Variants in EVI5L observed in about 807,000 individuals in gnomAD.
EVI5L encodes the protein ecotropic viral integration site 5 like, also known as EVI5-like protein.
In EVI5L, 30 loss-of-function variants were observed where a neutral mutation model predicts 106.1. The ratio of observed to expected loss-of-function variants is 0.28; its 90% CI spans 0.21 to 0.38. EVI5L has a LOEUF of 0.38. Among genes scored for constraint, EVI5L ranks in the 10% least tolerant of loss-of-function variants. The pLI is 1.00. For missense variants in EVI5L, 809 were observed against 1,098.0 expected (o/e 0.74, Z 3.72); for synonymous variants, 489 against 483.3 (o/e 1.01, Z -0.15).
chr19:7,863,570 A>C lies in EVI5L; in HGVS notation c.2286A>C (p.Ala762=). 2 of 1,598,172 alleles carry C rather than the reference A, an allele frequency of 1.3e-6. No homozygotes were observed. The highest frequency in any genetic ancestry group is 1.7e-5 in the Admixed American group (1 of 58,492). Residue 762 remains alanine (A), a synonymous_variant, in exon 20 of 20, where the codon GCA becomes GCC. Transcript: ENST00000538904. This position sits in a 1 kb window ranked among gnomAD's most constrained non-coding sequence, Gnocchi z 7.7. ...GCGTGGGCGCTGCCCTGCAGGACGC[A>C]TTGTACCCTCTGTCCCCGCGCGATG... ...GVGVGAALQD[A]LYPLSPRDAR... is the part of the protein sequence containing the mutation.
At chr19:7,852,892 A>G in intron 8 of EVI5L, 194 bp from the exon 9 acceptor site, 2 of 589,654 alleles carry the variant, frequency 3.4e-6, no homozygotes, top group South Asian at 2.0e-5. Context: ...CTTTGGCTGC[A>G]GGCAGTCCCC....
At position 7,850,882 on chromosome 19, in the gene EVI5L, C is replaced by T. The variant is rs140204885; in HGVS notation, c.754-552C>T. On this transcript the variant is annotated intron_variant, in intron 6 of 19. Transcript: ENST00000538904. This position sits in a 1 kb window ranked among gnomAD's most constrained non-coding sequence, Gnocchi z 5.4. ...GCTGGGAGGAAGCCCGGGATCCTAA[C>T]GCCTTCTCCGGCCTCAGTTTCCCCA... Among the ~76,000 whole-genome samples, 97 of 152,346 alleles carry T rather than the reference C, an allele frequency of 6.4e-4. 1 individual carries two copies. In the East Asian group the frequency reaches 0.017, roughly 27 times the overall value.
intron 3 of EVI5L, 23 bp downstream of exon 3, chr19:7,847,944 G>T (rs1979038445): frequency 6.5e-7 from 1 of 1,526,860 alleles, no homozygotes; most frequent in East Asian, 2.5e-5. Flanking sequence ...CAGGCAGGCA[G>T]GGCTGGGCCG....
At chr19:7,838,008 T>C (rs78027839) in intron 1 of EVI5L, among the ~76,000 whole-genome samples, 2,963 of 150,600 alleles carry the variant, frequency 0.02, 66 homozygotes, top group East Asian at 0.12. Flanking sequence ...CGGCCAACCT[T>C]GACGGTTTTG....
At chr19:7,847,968 G>A in intron 3 of EVI5L, 47 bp downstream of exon 3, 1 of 1,500,882 alleles carries the variant, frequency 6.7e-7, no homozygotes, top group Non-Finnish European at 8.9e-7. Flanking sequence ...GCGTGGGCAG[G>A]TGGTGCGGTC....
At chr19:7,842,545 AGT>A (rs1008894023) in intron 1 of EVI5L, among the ~76,000 whole-genome samples, 11 of 142,508 alleles carry the variant, frequency 7.7e-5, no homozygotes, top group South Asian at 6.8e-4. Flanking sequence ...GGGTGTATCA[AGT>A]GTGTGTATGT....
rs1978898245 is a variant in EVI5L at position 7,845,171 on chromosome 19, G to C, written c.-47-1325G>C. On this transcript the variant is annotated intron_variant, in intron 1 of 19. Transcript: ENST00000538904. This position sits in a 1 kb window ranked among gnomAD's most constrained non-coding sequence, Gnocchi z 4.0. The stretch of plus-strand genomic sequence containing the variant: ...TGGCACACGGCAGACTCCTGCTACA[G>C]AGCGTGCCGGGCAGTGGGCGGGCAT... Among the ~76,000 whole-genome samples, 1 of 152,176 alleles carries C rather than the reference G, an allele frequency of 6.6e-6. No individual in the cohort carries two copies. The highest frequency in any genetic ancestry group is 1.5e-5 in the Non-Finnish European group (1 of 68,016).
At chr19:7,854,293 A>AAAAAG (rs1297474285) in intron 10 of EVI5L, among the ~76,000 whole-genome samples, 1 of 138,560 alleles carries the variant, frequency 7.2e-6, no homozygotes, top group African/African-American at 2.5e-5. Context: ...AAAAAAAAAA[A>AAAAAG]AAAAGAAAAG....
At chr19:7,846,721 A>T (rs914038212) in intron 2 of EVI5L, 42 bp downstream of exon 2, 6 of 1,595,094 alleles carry the variant, frequency 3.8e-6, no homozygotes, top group Non-Finnish European at 5.1e-6. Flanking sequence ...CTTGGGGTGC[A>T]GTCTGGGCCC....
chr19:7,851,695 G>C lies in EVI5L; in HGVS notation c.912G>C (p.Val304=). Reference sequence around the variant, plus strand: ...CGCCTTTGCAGGGGCTGGAGATCGTGTTCCGAGTGGGCCTCGCCCTGCTGC... The same window carrying C: ...CGCCTTTGCAGGGGCTGGAGATCGTCTTCCGAGTGGGCCTCGCCCTGCTGC... ...DIFMYEGLEI[V]FRVGLALLQV... is the part of the protein sequence containing the mutation. The change falls in exon 8 of 20, where the codon GTG becomes GTC. Residue 304 remains valine, a synonymous_variant. Transcript: ENST00000538904. 1 of 1,576,462 alleles carries C rather than the reference G, an allele frequency of 6.3e-7. No individual in the cohort carries two copies. The highest frequency in any genetic ancestry group is 1.2e-5 in the South Asian group (1 of 85,500).
chr19:7,852,143 A>G (rs994113157), intron 8 of EVI5L, among the ~76,000 whole-genome samples: 11 of 152,180 alleles, frequency 7.2e-5, no homozygotes, highest in African/African-American at 2.7e-4. Context: ...TGGTGAGGGC[A>G]CAGGAGGGAG....
In EVI5L at chr19:7,843,256, G is replaced by A. The variant is rs537966170; in HGVS notation, c.-47-3240G>A. On this transcript the variant is annotated intron_variant, in intron 1 of 19. Coordinates refer to ENST00000538904, the MANE Select transcript of EVI5L (RefSeq NM_001159944.3). ...GTCGAGTGTGTGCATGTGTGTATAGGTGTGTGTGAGAATAGGCATGGGTGT... is the reference window on the plus strand; with the variant it reads ...GTCGAGTGTGTGCATGTGTGTATAGATGTGTGTGAGAATAGGCATGGGTGT... 2.0e-5 allele frequency among the ~76,000 whole-genome samples: 3 copies of A among 147,180 alleles called. No individual in the cohort carries two copies. In the East Asian group the frequency reaches 6.3e-4, roughly 31 times the overall value.
chr19:7,855,697 C>T (rs72992199), intron 10 of EVI5L, among the ~76,000 whole-genome samples: 24,416 of 152,232 alleles, frequency 0.16, 2,587 homozygotes, highest in Non-Finnish European at 0.22. Context: ...GACTGACCCA[C>T]GTGTGGGAAG....
At position 7,853,300 on chromosome 19, in the gene EVI5L, G is replaced by T; in HGVS notation, c.1113G>T (p.Lys371Asn). 6.2e-7 allele frequency: 1 copy of T among 1,613,476 alleles called. No individual in the cohort carries two copies. The highest frequency in any genetic ancestry group is 8.5e-7 in the Non-Finnish European group (1 of 1,179,762). Residue 371 changes from lysine (K) to asparagine (N), a missense_variant, in exon 10 of 20, where the codon AAG becomes AAT. Coordinates refer to ENST00000538904, the MANE Select transcript of EVI5L (RefSeq NM_001159944.3). Reference sequence around the variant, plus strand: ...TGGAGAAGGAGTACGCAGCCATGAAGAGCAAGGAGATGGAGGAGCAGATCG... The same window carrying T: ...TGGAGAAGGAGTACGCAGCCATGAATAGCAAGGAGATGGAGGAGCAGATCG... Reference protein sequence around the residue: ...KRLEKEYAAMKSKEMEEQIEI... With the variant: ...KRLEKEYAAMNSKEMEEQIEI...
chr19:7,851,994 G>A (rs564340976), intron 8 of EVI5L, among the ~76,000 whole-genome samples: 11 of 152,280 alleles, frequency 7.2e-5, no homozygotes, highest in African/African-American at 1.4e-4. Flanking sequence ...CAGCCTGGCC[G>A]CAGGGAGACA....
intron 4 of EVI5L, 51 bp downstream of exon 4, chr19:7,849,196 C>T: frequency 6.2e-7 from 1 of 1,612,786 alleles, no homozygotes; most frequent in South Asian, 1.1e-5. Context: ...GGAGAAGTTC[C>T]CCAGTTCACC....
chr19:7,846,216 T>C (rs1483228962), intron 1 of EVI5L, among the ~76,000 whole-genome samples: 3 of 152,308 alleles, frequency 2.0e-5, no homozygotes, highest in Non-Finnish European at 2.9e-5. Context: ...TTGGCCTTCA[T>C]GCCCAGGGAC....
chr19:7,862,645 C>G, intron 17 of EVI5L, 111 bp downstream of exon 17: 1 of 1,027,364 alleles, frequency 9.7e-7, no homozygotes, highest in African/African-American at 1.8e-5. Flanking sequence ...CCGATCTGCC[C>G]CTGCCCGCGG....
intron 17 of EVI5L, among the ~76,000 whole-genome samples, chr19:7,862,735 T>G (rs1979891281): frequency 2.5e-5 from 1 of 40,524 alleles, no homozygotes; most frequent in East Asian, 9.5e-4. Context: ...CCCCGCCTCC[T>G]GACCACCCCC....
Sources: allele counts gnomAD v4.1 joint callset (sites outside exome capture counted in the v4.1 genomes callset), GRCh38; gene constraint gnomAD v4.1.1; non-coding constraint Gnocchi (gnomAD v3.1); transcripts MANE v1.5; gene names NCBI Gene and HGNC (gene_info 2026-07-23, HGNC 2026-07-21).